Variants in SPG11 observed in about 807,000 individuals in gnomAD.
SPG11 encodes SPG11 vesicle trafficking associated, spatacsin.
SPG11 carries 222 observed loss-of-function variants against 274.0 expected under a neutral mutation model. That is an observed-to-expected ratio of 0.81 (90% CI 0.73 to 0.91). The LOEUF (loss-of-function observed/expected upper bound fraction) is 0.91. Among genes scored for constraint, SPG11 ranks in the 40% least tolerant of loss-of-function variants. The pLI is 0.00. For missense variants in SPG11, 3,114 were observed against 2,872.7 expected (o/e 1.08, Z -1.92); for synonymous variants, 1,144 against 1,039.7 (o/e 1.10, Z -1.93).
chr15:44,614,665 G>T (rs2083546952), intron 16 of SPG11, among the ~76,000 whole-genome samples: 1 of 152,202 alleles, frequency 6.6e-6, no homozygotes, highest in Non-Finnish European at 1.5e-5. Flanking sequence ...AACATACTTA[G>T]TCTCTCTCAA....
intron 7 of SPG11, among the ~76,000 whole-genome samples, chr15:44,647,301 G>A (rs930578513): frequency 1.3e-5 from 2 of 152,184 alleles, no homozygotes; most frequent in Non-Finnish European, 2.9e-5. Context: ...GCTAAGATGT[G>A]CAGCTAGCAG....
intron 22 of SPG11, 56 bp downstream of exon 22, chr15:44,598,575 C>T: frequency 6.5e-7 from 1 of 1,535,902 alleles, no homozygotes; most frequent in South Asian, 1.1e-5. Flanking sequence ...AATTCAATGC[C>T]TTAGACCTCG....
chr15:44,652,340 T>A, intron 4 of SPG11, 74 bp from the exon 5 acceptor site: 1 of 1,499,806 alleles, frequency 6.7e-7, no homozygotes, highest in Non-Finnish European at 9.2e-7. Flanking sequence ...ACTGCTCCTG[T>A]TAAAAATAAG....
intron 4 of SPG11, among the ~76,000 whole-genome samples, chr15:44,654,984 T>C (rs1157388796): frequency 2.6e-5 from 4 of 152,250 alleles, no homozygotes; most frequent in Non-Finnish European, 4.4e-5. Context: ...AGCTGTAGTA[T>C]ATACTGTACT....
rs143804371 is a variant in SPG11, at chr15:44,598,317, C to T, written c.3949G>A (p.Val1317Ile). ...GEKTTTEELL[V>I]LLEEGTWNSI... Reference sequence around the variant, plus strand: ...TTCCATGTACCTTCTTCTAAGAGAACAAGCAATTCTTCTGTGGTTGTCTTT... The same window carrying T: ...TTCCATGTACCTTCTTCTAAGAGAATAAGCAATTCTTCTGTGGTTGTCTTT... Residue 1317 changes from valine (V) to isoleucine (I), a missense_variant, in exon 23 of 40, where the codon GTT (valine) becomes ATT (isoleucine). Val to Ile is a conservative substitution (Grantham distance 29). Coordinates refer to ENST00000261866, the MANE Select transcript of SPG11 (RefSeq NM_025137.4). 1.1e-5 allele frequency: 18 copies of T among 1,613,982 alleles called. No individual in the cohort carries two copies. The highest frequency in any genetic ancestry group is 9.3e-5 in the African/African-American group (7 of 74,938).
In SPG11 at chr15:44,619,282, A is replaced by G. The variant is rs138169339; in HGVS notation, c.2834+908T>C. Among the ~76,000 whole-genome samples, 5 of 152,316 alleles carry G rather than the reference A, an allele frequency of 3.3e-5. No individual in the cohort carries two copies. In the East Asian group the frequency reaches 9.6e-4, roughly 29 times the overall value. ...TAATACATAAAAATATGTTTAAGAA[A>G]CTTAACATACATGTTATTAGCTTTC... On this transcript the variant is annotated intron_variant, in intron 15 of 39. Coordinates refer to ENST00000261866, the MANE Select transcript of SPG11 (RefSeq NM_025137.4).
chr15:44,636,595 G>A (rs1212143179), intron 7 of SPG11, among the ~76,000 whole-genome samples: 1 of 151,896 alleles, frequency 6.6e-6, no homozygotes, highest in Non-Finnish European at 1.5e-5. Flanking sequence ...CTGGGCGGCG[G>A]AGCTTGCAGT....
intron 6 of SPG11, 56 bp from the exon 7 acceptor site, chr15:44,649,067 A>C: frequency 7.0e-7 from 1 of 1,422,034 alleles, no homozygotes; most frequent in Non-Finnish European, 9.9e-7. Flanking sequence ...TAGGATTATG[A>C]TTTAGGAATT....
intron 14 of SPG11, 164 bp downstream of exon 14, chr15:44,621,595 T>G: frequency 7.3e-6 from 5 of 689,386 alleles, no homozygotes; most frequent in African/African-American, 1.8e-5. Flanking sequence ...CCAGAAACTC[T>G]GAGATAAGAA....
At chr15:44,607,614 G>C (rs1449731321) in intron 19 of SPG11, among the ~76,000 whole-genome samples, 1 of 152,132 alleles carries the variant, frequency 6.6e-6, no homozygotes, top group Non-Finnish European at 1.5e-5. Context: ...GATACTATGA[G>C]AATATGTGTA....
intron 15 of SPG11, among the ~76,000 whole-genome samples, chr15:44,619,064 T>C (rs915202074): frequency 2.0e-5 from 3 of 152,194 alleles, no homozygotes; most frequent in Non-Finnish European, 4.4e-5. Context: ...TTCTATAATA[T>C]TTACTAGTAG....
Position 44,651,727 on chromosome 15 carries a change from C to T in SPG11, c.1220G>A (p.Ser407Asn), listed in dbSNP as rs767801873. Residue 407 changes from serine to asparagine, a missense_variant, in exon 6 of 40, where the codon AGT becomes AAT. Coordinates refer to ENST00000261866, the MANE Select transcript of SPG11 (RefSeq NM_025137.4). ...NVLQKDHAKTSDPGRSWKIMH... is the reference protein window; with the variant it reads ...NVLQKDHAKTNDPGRSWKIMH... Reference sequence around the variant, plus strand: ...TATTTTCCATGATCTTCCTGGATCACTGGTCTTGGCATGATCTTTCTGTAG... The same window carrying T: ...TATTTTCCATGATCTTCCTGGATCATTGGTCTTGGCATGATCTTTCTGTAG... 2 of 1,614,228 alleles carry T rather than the reference C, an allele frequency of 1.2e-6. No individual in the cohort carries two copies. Among genetic ancestry groups the T allele is most frequent in the Middle Eastern group, 1.6e-4 (1 of 6,062 alleles).
At chr15:44,661,386 G>C (rs1489003570) in intron 1 of SPG11, among the ~76,000 whole-genome samples, 2 of 152,150 alleles carry the variant, frequency 1.3e-5, no homozygotes, top group East Asian at 1.9e-4. Flanking sequence ...CACAATGAAA[G>C]AGGTGAGGCT....
At chr15:44,574,820 G>T in intron 31 of SPG11, 82 bp downstream of exon 31, 1 of 1,536,104 alleles carries the variant, frequency 6.5e-7, no homozygotes, top group South Asian at 1.1e-5. Context: ...CTAAAAGGCT[G>T]ACTTGGCAAT....
At chr15:44,575,065 G>A (rs1230893370) in intron 30 of SPG11, 24 bp from the exon 31 acceptor site, 1 of 1,613,160 alleles carries the variant, frequency 6.2e-7, no homozygotes, top group Admixed American at 1.7e-5. Flanking sequence ...CAAGTCTGAG[G>A]GGCTCTAAGC....
At chr15:44,659,416 G>A (rs2085038235) in intron 2 of SPG11, 113 bp from the exon 3 acceptor site, 2 of 935,376 alleles carry the variant, frequency 2.1e-6, no homozygotes, top group African/African-American at 3.3e-5. Context: ...ACTGGACTTA[G>A]TCTAACTTTA....
At position 44,657,171 on chromosome 15, in the gene SPG11, A is replaced by T. The variant is rs761308076; in HGVS notation, c.793T>A (p.Ser265Thr). ...ATCACTGCAACATCGAGGTCTTGAG[A>T]AACTTTCAGTGAAGTAAATGAAGAA... ...KISSFTSLKV[S>T]QDLDVAVIVS... Residue 265 changes from serine to threonine, a missense_variant, in exon 4 of 40, where the codon TCT becomes ACT. Ser to Thr is a moderately conservative substitution (Grantham distance 58). Coordinates refer to ENST00000261866, the MANE Select transcript of SPG11 (RefSeq NM_025137.4). The T allele has an allele frequency of 1.2e-6, 2 of 1,614,228 alleles. No homozygotes were observed. Among genetic ancestry groups the T allele is most frequent in the Admixed American group, 3.3e-5 (2 of 60,028 alleles).
At chr15:44,631,068 G>A (rs538316178) in intron 8 of SPG11, among the ~76,000 whole-genome samples, 1 of 152,248 alleles carries the variant, frequency 6.6e-6, no homozygotes, top group African/African-American at 2.4e-5. Flanking sequence ...TTATCAAGGT[G>A]TTTAAAAATA....
intron 26 of SPG11, among the ~76,000 whole-genome samples, chr15:44,593,929 CT>C (rs1391243093): frequency 1.4e-3 from 189 of 138,714 alleles, no homozygotes; most frequent in East Asian, 0.011. Flanking sequence ...TTTTTCTTTT[CT>C]TTTTTTTTTT....
Sources: allele counts gnomAD v4.1 joint callset (sites outside exome capture counted in the v4.1 genomes callset), GRCh38; gene constraint gnomAD v4.1.1; transcripts MANE v1.5; gene names NCBI Gene and HGNC (gene_info 2026-07-23, HGNC 2026-07-21).